Variants in CDH18 observed in about 807,000 individuals in gnomAD.
The protein encoded by CDH18 is cadherin 18, also known as cadherin-18.
Under a neutral mutation model 67.9 loss-of-function variants are expected in CDH18, and 31 were observed. The ratio of observed to expected loss-of-function variants is 0.46; its 90% CI spans 0.34 to 0.62. The LOEUF (loss-of-function observed/expected upper bound fraction) is 0.62. Ranked by LOEUF, CDH18 falls within the 20% of genes least tolerant of loss-of-function variation. CDH18 has a pLI of 0.01. For synonymous variants in CDH18, 362 were observed against 347.2 expected (o/e 1.04, Z -0.48); for missense variants, 890 against 975.5 (o/e 0.91, Z 1.17).
chr5:20,560,310 G>A (rs531080627), intron 1 of CDH18, among the ~76,000 whole-genome samples: 1 of 152,098 alleles, frequency 6.6e-6, no homozygotes, highest in South Asian at 2.1e-4. Context: ...TAGATTGTTA[G>A]TCACAATCAT....
chr5:19,661,026 CA>C lies in CDH18; in HGVS notation c.644-48426del, dbSNP rs564557687. 1.1e-4 allele frequency among the ~76,000 whole-genome samples: 16 copies of C among 150,942 alleles called. No individual in the cohort carries two copies. The East Asian group carries it at 2.9e-3, about 28-fold the overall frequency. On this transcript the variant is annotated intron_variant, in intron 5 of 12. Coordinates refer to ENST00000382275, the MANE Select transcript of CDH18 (RefSeq NM_004934.5). ...AAAAAACTCATTTTCAGTGGGAAGACAAAAACCAACCAACCAATCAAAGAAA... is the reference window on the plus strand; with the variant it reads ...AAAAAACTCATTTTCAGTGGGAAGACAAAACCAACCAACCAATCAAAGAAA...
chr5:19,919,158 G>A (rs1167992565), intron 2 of CDH18, among the ~76,000 whole-genome samples: 1 of 152,028 alleles, frequency 6.6e-6, no homozygotes, highest in Non-Finnish European at 1.5e-5. Context: ...GTGCCAGAAG[G>A]GAGCTGCACC....
chr5:19,654,143 G>A (rs7731194), intron 5 of CDH18, among the ~76,000 whole-genome samples: 411 of 152,226 alleles, frequency 2.7e-3, no homozygotes, highest in Non-Finnish European at 4.7e-3. Flanking sequence ...GGAGAAGGAT[G>A]GGACTCACGT....
chr5:20,287,829 A>G lies in CDH18; in HGVS notation c.-579-32324T>C, dbSNP rs545907948. On this transcript the variant is annotated intron_variant, in intron 1 of 14. Transcript: ENST00000507958. Reference sequence around the variant, plus strand: ...TATCACATTTAAAATGTAATCAAATATATCATGCATCACTCATGCCATGGA... The same window carrying G: ...TATCACATTTAAAATGTAATCAAATGTATCATGCATCACTCATGCCATGGA... Among the ~76,000 whole-genome samples, 56 of 151,920 alleles carry G rather than the reference A, an allele frequency of 3.7e-4. 1 individual carries two copies. In the South Asian group the frequency reaches 8.9e-3, roughly 24 times the overall value.
chr5:19,910,997 T>C (rs1044053321), intron 2 of CDH18, among the ~76,000 whole-genome samples: 1 of 152,100 alleles, frequency 6.6e-6, no homozygotes, highest in African/African-American at 2.4e-5. Context: ...GTAAGCAGAC[T>C]GGAGGTAGGG....
intron 10 of CDH18, among the ~76,000 whole-genome samples, chr5:19,515,185 G>A (rs1046250773): frequency 4.6e-5 from 7 of 152,128 alleles, no homozygotes; most frequent in Non-Finnish European, 1.0e-4. Context: ...TGAGGGCTCT[G>A]TTCTGTTCCA....
At chr5:19,654,774 G>A (rs1318674004) in intron 5 of CDH18, among the ~76,000 whole-genome samples, 1 of 152,182 alleles carries the variant, frequency 6.6e-6, no homozygotes, top group Non-Finnish European at 1.5e-5. Flanking sequence ...TATTCCCGGA[G>A]GGAGGTAGCT....
chr5:20,451,461 T>A (rs1750447455), intron 1 of CDH18, among the ~76,000 whole-genome samples: 1 of 152,140 alleles, frequency 6.6e-6, no homozygotes, highest in Non-Finnish European at 1.5e-5. Context: ...ATTTACCAAT[T>A]TGAAGTAAGT....
intron 2 of CDH18, among the ~76,000 whole-genome samples, chr5:19,944,037 C>A (rs1795074316): frequency 6.6e-6 from 1 of 151,996 alleles, no homozygotes; most frequent in African/African-American, 2.4e-5. Context: ...ATGTTATTCA[C>A]TTTTAATTTA....
intron 8 of CDH18, among the ~76,000 whole-genome samples, chr5:19,545,230 C>T (rs1345136326): frequency 6.6e-6 from 1 of 151,832 alleles, no homozygotes; most frequent in Non-Finnish European, 1.5e-5. Context: ...GTGAAAAGTG[C>T]TAGGGAAGAA....
At chr5:20,126,383 G>C (rs531581823) in intron 2 of CDH18, among the ~76,000 whole-genome samples, 18 of 152,192 alleles carry the variant, frequency 1.2e-4, no homozygotes, top group African/African-American at 2.6e-4. Flanking sequence ...AAAGAAAAAG[G>C]CTTCATGAAG....
intron 1 of CDH18, among the ~76,000 whole-genome samples, chr5:20,299,249 G>A (rs1747766989): frequency 6.6e-6 from 1 of 152,124 alleles, no homozygotes; most frequent in Non-Finnish European, 1.5e-5. Context: ...TTGGAAAGCT[G>A]AGCATAAAAA....
intron 2 of CDH18, among the ~76,000 whole-genome samples, chr5:19,847,571 C>T (rs1056252699): frequency 6.6e-6 from 1 of 151,908 alleles, no homozygotes; most frequent in Non-Finnish European, 1.5e-5. Flanking sequence ...ATTTCATATA[C>T]TTCCATTTTT....
chr5:20,562,684 T>A (rs1758285915), intron 1 of CDH18, among the ~76,000 whole-genome samples: 1 of 151,748 alleles, frequency 6.6e-6, no homozygotes, highest in African/African-American at 2.4e-5. Context: ...AAACAAAAAC[T>A]GGACCTTTAT....
intron 2 of CDH18, among the ~76,000 whole-genome samples, chr5:20,100,125 A>G (rs1412074876): frequency 1.3e-5 from 2 of 152,140 alleles, no homozygotes; most frequent in Non-Finnish European, 2.9e-5. Flanking sequence ...GAGACATTCA[A>G]CTATTTAGGT....
At chr5:20,257,953 G>A (rs552153362) in intron 1 of CDH18, among the ~76,000 whole-genome samples, 15 of 152,114 alleles carry the variant, frequency 9.9e-5, no homozygotes, top group South Asian at 4.1e-4. Context: ...AAATATACAC[G>A]TAGTTGTACA....
In CDH18 at chr5:19,839,029, G is replaced by T; in HGVS notation, c.-43C>A. The stretch of plus-strand genomic sequence containing the variant: ...GTTCACAGTTTTCCTTCCTTTCCTT[G>T]TCAGCTACGAAAGCTTAGTGAGCAT... On this transcript the variant is annotated 5_prime_UTR_variant, in exon 3 of 13. Transcript: ENST00000382275. 1 of 1,508,926 alleles carries T rather than the reference G, an allele frequency of 6.6e-7. No individual in the cohort carries two copies. Among genetic ancestry groups the T allele is most frequent in the Non-Finnish European group, 9.2e-7 (1 of 1,086,268 alleles). 93.5% of individuals were successfully genotyped at this position (1,508,926 alleles called of 1,614,324 possible).
chr5:19,965,339 G>A (rs1797320661), intron 2 of CDH18, among the ~76,000 whole-genome samples: 1 of 152,056 alleles, frequency 6.6e-6, no homozygotes, highest in African/African-American at 2.4e-5. Context: ...AATATAATGG[G>A]ACCTACATAG....
At chr5:19,909,650 C>A (rs1036566372) in intron 2 of CDH18, among the ~76,000 whole-genome samples, 1 of 150,528 alleles carries the variant, frequency 6.6e-6, no homozygotes, top group African/African-American at 2.5e-5. Context: ...ATTATTACAG[C>A]ATTAGAAGTC....
Sources: gnomAD v4.1 joint callset for allele counts (sites outside exome capture counted in the v4.1 genomes callset) on GRCh38, gnomAD v4.1.1 for gene constraint, MANE v1.5 for transcripts, NCBI Gene and HGNC (gene_info 2026-07-23, HGNC 2026-07-21) for gene names.